Variants in LYPD2 observed in about 807,000 individuals in gnomAD.
LYPD2 encodes LY6/PLAUR domain containing 2.
In LYPD2, 5 loss-of-function variants were observed where a neutral mutation model predicts 7.1. That is an observed-to-expected ratio of 0.70 (90% confidence interval 0.37 to 1.48). The LOEUF is 1.48. LYPD2 is among the 40% of genes most tolerant of loss of function. The pLI is 0.03. For missense variants in LYPD2, 177 were observed against 171.0 expected, an observed-to-expected ratio of 1.04 and a Z score of -0.20; for synonymous variants, 78 against 82.0, an observed-to-expected ratio of 0.95 and a Z score of 0.26.
At chr8:142,751,810 C>T (rs1347411505) in intron 1 of LYPD2, among the ~76,000 whole-genome samples, 7 of 152,166 alleles carry the variant, frequency 4.6e-5, no homozygotes, top group African/African-American at 1.2e-4. Context: ...CAGCTAGGCC[C>T]GACTCCTCTG....
At chr8:142,751,444 T>C (rs1365957119) in intron 1 of LYPD2, among the ~76,000 whole-genome samples, 1 of 152,022 alleles carries the variant, frequency 6.6e-6, no homozygotes, top group East Asian at 1.9e-4. Context: ...CCTTTGGAAG[T>C]GTTTGGGAGA....
chr8:142,750,297 T>A lies in LYPD2; in HGVS notation c.364A>T (p.Ser122Cys). ...GGGCGGGGACTCTACAGTCGGAGGC[T>A]CAAGAGTGGGAGGAGCGTGAGGGCC... ...CGALTLLPLL[S>C]LRL The change falls in exon 3 of 3, where the codon AGC becomes TGC. Residue 122 changes from serine to cysteine, a missense_variant. Physicochemically the swap from Ser to Cys is moderately radical, Grantham distance 112 (BLOSUM62 -1). Transcript: ENST00000359228. 1 of 1,551,928 alleles carries A rather than the reference T, an allele frequency of 6.4e-7. No individual in the cohort carries two copies. The highest frequency in any genetic ancestry group is 1.2e-5 in the South Asian group (1 of 84,074).
In LYPD2 at chr8:142,750,158, GA is replaced by G. The variant is rs988907571; in HGVS notation, c.*124del. 8 of 767,414 alleles carry G rather than the reference GA, an allele frequency of 1.0e-5. No homozygotes were observed. The African/African-American group carries it at 1.4e-4, about 13-fold the overall frequency. 47.5% of individuals were successfully genotyped at this position (767,414 alleles called of 1,614,324 possible). On this transcript the variant is annotated 3_prime_UTR_variant, in exon 3 of 3. Coordinates refer to ENST00000359228, the MANE Select transcript of LYPD2 (RefSeq NM_205545.3). ...GACACACAGGAACGGGGACATCGAC[GA>G]GGTCAGAGATGCAGCAGGGCAGGTC...
Position 142,751,014 on chromosome 8 carries a change from G to A in LYPD2, c.178+37C>T, listed in dbSNP as rs370436001. The stretch of plus-strand genomic sequence containing the variant: ...GACTGGGCTGGAGGTGGCTCTGACC[G>A]GGAACCCGGCCCTGCCCGCCTTCTG... On this transcript the variant is annotated intron_variant, in intron 2 of 2. Transcript: ENST00000359228. The A allele has an allele frequency of 1.5e-5, 25 of 1,613,096 alleles. 1 individual carries two copies. The highest frequency in any genetic ancestry group is 1.2e-4 in the South Asian group (11 of 91,004).
intron 1 of LYPD2, 101 bp from the exon 2 acceptor site, chr8:142,751,271 G>T (rs927263519): frequency 2.0e-6 from 3 of 1,494,852 alleles, no homozygotes; most frequent in Non-Finnish European, 2.7e-6. Context: ...AGTGACACTG[G>T]CCAGGGTAGA....
rs1301194118 is a variant in LYPD2, at chr8:142,750,490, G to A, written c.179-8C>T. 9.5e-6 allele frequency: 15 copies of A among 1,573,010 alleles called. No individual in the cohort carries two copies. Among genetic ancestry groups the A allele is most frequent in the Non-Finnish European group, 1.2e-5 (14 of 1,158,998 alleles). The stretch of plus-strand genomic sequence containing the variant: ...CCCCCTGGAAGGGGTACACTGTGGG[G>A]TGTGGGAAGAGTCAGCCGTCAGGGC... On this transcript the variant is annotated splice_region_variant and splice_polypyrimidine_tract_variant and intron_variant, in intron 2 of 2. Coordinates refer to ENST00000359228, the MANE Select transcript of LYPD2 (RefSeq NM_205545.3).
At position 142,750,284 on chromosome 8, in the gene LYPD2, T is replaced by C; in HGVS notation, c.377A>G (p.Ter126TrpextTer17). ...TLLPLLSLRL[*>W] is the part of the protein sequence containing the mutation. ...GGGCCATGGGGGTGGGCGGGGACTC[T>C]ACAGTCGGAGGCTCAAGAGTGGGAG... Residue 126 changes from the stop codon to tryptophan, a stop_lost, in exon 3 of 3, where the codon TAG (stop) becomes TGG (tryptophan). Coordinates refer to ENST00000359228, the MANE Select transcript of LYPD2 (RefSeq NM_205545.3). 1 of 1,551,198 alleles carries C rather than the reference T, an allele frequency of 6.4e-7. No homozygotes were observed. Among genetic ancestry groups the C allele is most frequent in the Non-Finnish European group, 8.7e-7 (1 of 1,147,244 alleles).
chr8:142,750,751 C>A (rs888520949), intron 2 of LYPD2, among the ~76,000 whole-genome samples: 3 of 152,202 alleles, frequency 2.0e-5, no homozygotes, highest in African/African-American at 7.2e-5. Flanking sequence ...TTCTCCAGTC[C>A]CCCCAAAACG....
rs1237860580 is a variant in LYPD2, at chr8:142,752,492, CTGGCG to C, written c.-46_-42del. ...CTCTGTGCTCTCACCCCAGGCTTGC[CTGGCG>C]GGGACAGCAGACACCAAGTGAGGTG... On this transcript the variant is annotated 5_prime_UTR_variant, in exon 1 of 3. Transcript: ENST00000359228. 1.9e-6 allele frequency: 3 copies of C among 1,609,178 alleles called. No individual in the cohort carries two copies. In the African/African-American group the frequency reaches 4.0e-5, roughly 22 times the overall value.
chr8:142,751,478 A>G (rs1814714333), intron 1 of LYPD2, among the ~76,000 whole-genome samples: 1 of 152,182 alleles, frequency 6.6e-6, no homozygotes, highest in Admixed American at 6.5e-5. Flanking sequence ...AGGCCCTGGC[A>G]TCTTCATAGC....
chr8:142,752,446 C>T lies in LYPD2; in HGVS notation c.6G>A (p.Arg2=), dbSNP rs772923942. M[R]GTRLALLALV... Reference sequence around the variant, plus strand: ...GCGCCAGGAGCGCCAGCCGCGTCCCCCGCATGGTCCCGGCCCACTCCTCTG... The same window carrying T: ...GCGCCAGGAGCGCCAGCCGCGTCCCTCGCATGGTCCCGGCCCACTCCTCTG... Residue 2 remains arginine (R), a synonymous_variant, in exon 1 of 3, where the codon CGG becomes CGA. Transcript: ENST00000359228. 3.7e-6 allele frequency: 6 copies of T among 1,613,262 alleles called. No individual in the cohort carries two copies. The highest frequency in any genetic ancestry group is 2.7e-5 in the African/African-American group (2 of 74,930).
rs1033168354 is a variant in LYPD2 at position 142,750,828 on chromosome 8, G to T, written c.178+223C>A. The stretch of plus-strand genomic sequence containing the variant: ...GGAAGGAAGGGGAGGGCAGAGGGAG[G>T]CCTAGCTCGGGCAGAAAGCCATTTC... On this transcript the variant is annotated intron_variant, in intron 2 of 2. Coordinates refer to ENST00000359228, the MANE Select transcript of LYPD2 (RefSeq NM_205545.3). Among the ~76,000 whole-genome samples, 3 of 152,266 alleles carry T rather than the reference G, an allele frequency of 2.0e-5. No individual in the cohort carries two copies. The South Asian group carries it at 6.2e-4, about 32-fold the overall frequency.
chr8:142,751,308 C>A (rs1054610403), intron 1 of LYPD2, 138 bp from the exon 2 acceptor site: 8 of 1,213,350 alleles, frequency 6.6e-6, no homozygotes, highest in Admixed American at 5.2e-5. Flanking sequence ...AACTCAGGAG[C>A]AATGCCAGGA....
chr8:142,750,919 T>C, intron 2 of LYPD2, 132 bp downstream of exon 2: 2 of 1,490,902 alleles, frequency 1.3e-6, no homozygotes. Context: ...GGGCTGGAGG[T>C]GGCTCTGACC....
chr8:142,751,726 C>T (rs896596948), intron 1 of LYPD2, among the ~76,000 whole-genome samples: 6 of 152,108 alleles, frequency 3.9e-5, no homozygotes, highest in African/African-American at 1.2e-4. Context: ...CCTCCTGCTC[C>T]GGTGACCCCG....
At chr8:142,752,272 C>T in intron 1 of LYPD2, 122 bp downstream of exon 1, 1 of 1,147,184 alleles carries the variant, frequency 8.7e-7, no homozygotes, top group African/African-American at 1.5e-5. Flanking sequence ...ACCCCCGGCC[C>T]CACAGCTCTG....
rs2130035616 is a variant in LYPD2 at position 142,750,398 on chromosome 8, G to A, written c.263C>T (p.Thr88Ile). The change falls in exon 3 of 3, where the codon ACC becomes ATC. Residue 88 changes from threonine to isoleucine, a missense_variant. Coordinates refer to ENST00000359228, the MANE Select transcript of LYPD2 (RefSeq NM_205545.3). Reference sequence around the variant, plus strand: ...AGTATTGCAGCAGGACACGGGCAGGGTCTGGCCGATGCCATCCACATCCGA... The same window carrying A: ...AGTATTGCAGCAGGACACGGGCAGGATCTGGCCGATGCCATCCACATCCGA... ...KPSDVDGIGQ[T>I]LPVSCCNTEL... 1 of 1,580,432 alleles carries A rather than the reference G, an allele frequency of 6.3e-7. No individual in the cohort carries two copies. Among genetic ancestry groups the A allele is most frequent in the South Asian group, 1.2e-5 (1 of 86,118 alleles).
In LYPD2 at chr8:142,750,382, G is replaced by C; in HGVS notation, c.279C>G (p.Cys93Trp). 1 of 1,572,892 alleles carries C rather than the reference G, an allele frequency of 6.4e-7. No individual in the cohort carries two copies. The highest frequency in any genetic ancestry group is 1.2e-5 in the South Asian group (1 of 85,496). The change falls in exon 3 of 3, where the codon TGC becomes TGG. Residue 93 changes from cysteine (C) to tryptophan (W), a missense_variant. Coordinates refer to ENST00000359228, the MANE Select transcript of LYPD2 (RefSeq NM_205545.3). ...CTACATTGCACAGCTCAGTATTGCAGCAGGACACGGGCAGGGTCTGGCCGA... is the reference window on the plus strand; with the variant it reads ...CTACATTGCACAGCTCAGTATTGCACCAGGACACGGGCAGGGTCTGGCCGA... ...DGIGQTLPVS[C>W]CNTELCNVDG...
At chr8:142,751,787 G>C (rs950891663) in intron 1 of LYPD2, among the ~76,000 whole-genome samples, 1 of 152,166 alleles carries the variant, frequency 6.6e-6, no homozygotes, top group Non-Finnish European at 1.5e-5. Context: ...GCTGGCCAGG[G>C]CAGCCAGCTG....
Sources: allele counts gnomAD v4.1 joint callset (sites outside exome capture counted in the v4.1 genomes callset), GRCh38; gene constraint gnomAD v4.1.1; transcripts MANE v1.5; gene names NCBI Gene and HGNC (gene_info 2026-07-23, HGNC 2026-07-21).